SLC44A5: variants seen among roughly 807,000 people sequenced by gnomAD.
The protein encoded by SLC44A5 is choline transporter-like protein 5.
Under a neutral mutation model 101.8 loss-of-function variants are expected in SLC44A5, and 57 were observed. The observed-to-expected ratio is 0.56, with a 90% confidence interval of 0.45 to 0.70. The LOEUF (loss-of-function observed/expected upper bound fraction) is 0.70, where lower values mean the gene tolerates loss of function less well. Among genes scored for constraint, SLC44A5 ranks in the 30% least tolerant of loss-of-function variants. The probability of loss-of-function intolerance (pLI) is 0.00; values close to 1 mark genes in which losing one functional copy is unlikely to be tolerated. For missense variants in SLC44A5, 737 were observed against 853.1 expected (o/e 0.86, Z 1.70); for synonymous variants, 281 against 290.9 (o/e 0.97, Z 0.35).
the SLC44A5 span, among the ~76,000 whole-genome samples, chr1:75,717,865 C>T: frequency 0.26 from 40,162 of 152,074 alleles, 6,585 homozygotes; most frequent in East Asian, 0.68. Flanking sequence ...TGTATTTGCC[C>T]GATTGGAGAA....
chr1:75,325,421 G>A (rs1656503421), intron 4 of SLC44A5, among the ~76,000 whole-genome samples: 1 of 151,900 alleles, frequency 6.6e-6, no homozygotes, highest in Non-Finnish European at 1.5e-5. Context: ...TTATTTATAT[G>A]AAAAAAGGGA....
At chr1:75,349,322 G>C (rs1052551015) in intron 3 of SLC44A5, among the ~76,000 whole-genome samples, 2 of 152,168 alleles carry the variant, frequency 1.3e-5, no homozygotes, top group Non-Finnish European at 2.9e-5. Flanking sequence ...CTGGGAAACA[G>C]AGCGAGACTC....
At chr1:75,226,036 G>C (rs529850837) in intron 13 of SLC44A5, among the ~76,000 whole-genome samples, 1 of 152,146 alleles carries the variant, frequency 6.6e-6, no homozygotes, top group Non-Finnish European at 1.5e-5. Flanking sequence ...TTGCTGAAGA[G>C]ATGTGGAATC....
intron 1 of SLC44A5, among the ~76,000 whole-genome samples, chr1:75,548,563 G>A (rs1256444628): frequency 6.6e-6 from 1 of 152,028 alleles, no homozygotes; most frequent in Non-Finnish European, 1.5e-5. Flanking sequence ...AAGTAACCAT[G>A]TCAAGAAATG....
chr1:75,305,462 T>C (rs984110726), intron 4 of SLC44A5, among the ~76,000 whole-genome samples: 4 of 152,254 alleles, frequency 2.6e-5, no homozygotes, highest in Non-Finnish European at 5.9e-5. Context: ...GACCTCTCCA[T>C]TACCTATTTA....
chr1:75,409,917 G>A (rs1663163845), intron 2 of SLC44A5, among the ~76,000 whole-genome samples: 1 of 151,844 alleles, frequency 6.6e-6, no homozygotes, highest in Admixed American at 6.6e-5. Flanking sequence ...CATCCTACAT[G>A]ACATACATAC....
At chr1:75,698,350 TC>T in the SLC44A5 span, among the ~76,000 whole-genome samples, 3 of 152,036 alleles carry the variant, frequency 2.0e-5, no homozygotes, top group African/African-American at 4.8e-5. Flanking sequence ...TGACCCCTGA[TC>T]CCCGAGCAGC....
intron 5 of SLC44A5, among the ~76,000 whole-genome samples, chr1:75,300,014 CAAAAAAAAAAAAA>C (rs35608663): frequency 1.1e-5 from 1 of 93,796 alleles, no homozygotes; most frequent in Admixed American, 1.0e-4. Flanking sequence ...GACTCTGTCT[CAAAAAAAAAAAAA>C]AAAAAAAAAA....
At chr1:75,699,986 G>T in the SLC44A5 span, among the ~76,000 whole-genome samples, 11,586 of 151,864 alleles carry the variant, frequency 0.076, 1,487 homozygotes, top group African/African-American at 0.26. Flanking sequence ...CCCAATACAG[G>T]AGCACCCAGA....
chr1:75,262,966 T>C (rs950394196), intron 6 of SLC44A5, among the ~76,000 whole-genome samples: 4 of 152,294 alleles, frequency 2.6e-5, no homozygotes, highest in South Asian at 2.1e-4. Context: ...CTTTACCTTA[T>C]ACAAAAAGTA....
the SLC44A5 span, among the ~76,000 whole-genome samples, chr1:75,679,886 C>T: frequency 1.3e-5 from 2 of 152,100 alleles, no homozygotes; most frequent in African/African-American, 2.4e-5. Flanking sequence ...TGCAGAGACA[C>T]ATATAGGCTC....
chr1:75,526,586 A>G (rs1005901381), intron 2 of SLC44A5, among the ~76,000 whole-genome samples: 5 of 152,212 alleles, frequency 3.3e-5, no homozygotes, highest in Admixed American at 2.6e-4. Flanking sequence ...CTGAGATTTC[A>G]GGGTTTGTCT....
chr1:75,663,418 T>C, the SLC44A5 span, among the ~76,000 whole-genome samples: 15 of 152,220 alleles, frequency 9.9e-5, no homozygotes, highest in Admixed American at 2.6e-4. Flanking sequence ...TCTCCAGAAC[T>C]GTGAACAATA....
chr1:75,299,815 C>T (rs973673040), intron 5 of SLC44A5, among the ~76,000 whole-genome samples: 2 of 150,710 alleles, frequency 1.3e-5, no homozygotes, highest in Non-Finnish European at 2.9e-5. Flanking sequence ...TCAAGACCAT[C>T]CTGGCCAACA....
intron 1 of SLC44A5, among the ~76,000 whole-genome samples, chr1:75,547,874 A>T (rs2101971570): frequency 6.6e-6 from 1 of 152,242 alleles, no homozygotes; most frequent in Non-Finnish European, 1.5e-5. Flanking sequence ...AGTCTTAAAA[A>T]ATCTGTAAAA....
intron 2 of SLC44A5, among the ~76,000 whole-genome samples, chr1:75,448,483 A>C (rs1479448496): frequency 6.6e-6 from 1 of 152,222 alleles, no homozygotes; most frequent in Non-Finnish European, 1.5e-5. Flanking sequence ...TCAAACTCAG[A>C]GTGACGTAGG....
chr1:75,313,599 C>T (rs755699663), intron 4 of SLC44A5, among the ~76,000 whole-genome samples: 2 of 152,144 alleles, frequency 1.3e-5, no homozygotes, highest in Non-Finnish European at 2.9e-5. Flanking sequence ...ATGAACAATA[C>T]ACATGACAAC....
the SLC44A5 span, among the ~76,000 whole-genome samples, chr1:75,638,712 C>T: frequency 6.6e-6 from 1 of 152,074 alleles, no homozygotes; most frequent in Admixed American, 6.6e-5. Flanking sequence ...AGCCAATCAA[C>T]TTGCCCATGG....
intron 3 of SLC44A5, among the ~76,000 whole-genome samples, chr1:75,358,630 GTAT>G (rs1659256232): frequency 6.6e-6 from 1 of 152,034 alleles, no homozygotes; most frequent in Admixed American, 6.6e-5. Context: ...ATATAGTATA[GTAT>G]TATTAACTGT....
Sources: gnomAD v4.1 joint callset for allele counts (sites outside exome capture counted in the v4.1 genomes callset) on GRCh38, gnomAD v4.1.1 for gene constraint, MANE v1.5 for transcripts, NCBI Gene and HGNC (gene_info 2026-07-23, HGNC 2026-07-21) for gene names.